ASAH2: variants seen among roughly 807,000 people sequenced by gnomAD.
ASAH2 encodes N-acylsphingosine amidohydrolase 2.
ASAH2 carries 58 observed loss-of-function variants against 82.9 expected under a neutral mutation model. The observed-to-expected ratio is 0.70, with a 90% CI of 0.57 to 0.87. ASAH2 has a LOEUF of 0.87. Among genes scored for constraint, ASAH2 ranks in the 40% least tolerant of loss-of-function variants. The pLI is 0.00. For missense variants in ASAH2, 779 were observed against 834.0 expected, an observed-to-expected ratio of 0.93 and a Z score of 0.81; for synonymous variants, 276 against 289.7, an observed-to-expected ratio of 0.95 and a Z score of 0.48.
intron 9 of ASAH2, among the ~76,000 whole-genome samples, chr10:50,214,367 A>T (rs985091718): frequency 6.0e-4 from 92 of 152,324 alleles, no homozygotes; most frequent in African/African-American, 2.2e-3. Context: ...GTCTTATATT[A>T]AAAACCCTAT....
chr10:50,220,526 A>C (rs1484659723), intron 7 of ASAH2, among the ~76,000 whole-genome samples: 1 of 152,056 alleles, frequency 6.6e-6, no homozygotes, highest in Non-Finnish European at 1.5e-5. Flanking sequence ...GCAAACAAAC[A>C]CAGGAACAGA....
chr10:50,218,300 A>G (rs1845661242), intron 8 of ASAH2, among the ~76,000 whole-genome samples: 5 of 152,212 alleles, frequency 3.3e-5, no homozygotes, highest in Admixed American at 3.3e-4. Flanking sequence ...TATAAGGACT[A>G]TGTAACACAA....
chr10:50,200,728 C>T (rs1267616943), intron 16 of ASAH2, among the ~76,000 whole-genome samples: 1 of 152,022 alleles, frequency 6.6e-6, no homozygotes, highest in Non-Finnish European at 1.5e-5. Context: ...GTGGCTAGCA[C>T]AGTATCTGTC....
At chr10:50,203,409 A>T (rs1277196736) in intron 15 of ASAH2, among the ~76,000 whole-genome samples, 2 of 152,048 alleles carry the variant, frequency 1.3e-5, no homozygotes, top group Non-Finnish European at 2.9e-5. Flanking sequence ...GTATACAAAC[A>T]TTATCAAATT....
At chr10:50,212,887 G>T in intron 10 of ASAH2, 85 bp downstream of exon 10, 2 of 1,312,094 alleles carry the variant, frequency 1.5e-6, no homozygotes, top group Non-Finnish European at 2.2e-6. Flanking sequence ...TTTTCTTTAA[G>T]TATTCAACTT....
chr10:50,201,298 C>G (rs1416527703), intron 16 of ASAH2, among the ~76,000 whole-genome samples: 1 of 152,072 alleles, frequency 6.6e-6, no homozygotes, highest in Non-Finnish European at 1.5e-5. Flanking sequence ...ACCAAGAGGG[C>G]ACTGAGCTGT....
intron 18 of ASAH2, among the ~76,000 whole-genome samples, chr10:50,194,311 C>A (rs2133193727): frequency 6.6e-6 from 1 of 151,566 alleles, no homozygotes; most frequent in East Asian, 1.9e-4. Context: ...TACACCATGA[C>A]TAAATGATAC....
At chr10:50,251,338 A>G (rs572950596) in intron 1 of ASAH2, among the ~76,000 whole-genome samples, 57 bp downstream of exon 1, 1 of 152,340 alleles carries the variant, frequency 6.6e-6, no homozygotes, top group South Asian at 2.1e-4. Context: ...CTGAGACAAT[A>G]GGATAATTCA....
rs991571629 is a variant in ASAH2, at chr10:50,231,577, A to G, written c.893+1607T>C. ...CAGCTTGTGAGACCCTTAAAGATAG[A>G]AAACTTGCCTTATTCATCATAACAT... On this transcript the variant is annotated intron_variant, in intron 7 of 20. Transcript: ENST00000682911. 2.0e-5 allele frequency among the ~76,000 whole-genome samples: 3 copies of G among 152,252 alleles called. No homozygotes were observed. In the South Asian group the frequency reaches 6.2e-4, roughly 32 times the overall value.
chr10:50,206,578 A>ACACACAC (rs1845304785), intron 12 of ASAH2, among the ~76,000 whole-genome samples: 13 of 150,556 alleles, frequency 8.6e-5, no homozygotes, highest in South Asian at 2.1e-4. Flanking sequence ...ACACACACAC[A>ACACACAC]AAGCAGTAAA....
chr10:50,208,289 G>A (rs1845358251), intron 12 of ASAH2, among the ~76,000 whole-genome samples: 1 of 151,926 alleles, frequency 6.6e-6, no homozygotes, highest in Non-Finnish European at 1.5e-5. Flanking sequence ...ACATTGTTCT[G>A]AAGGTTCTAG....
rs575885626 is a variant in ASAH2 at position 50,244,848 on chromosome 10, T to C, written c.360+374A>G. On this transcript the variant is annotated intron_variant, in intron 3 of 20. Transcript: ENST00000682911. ...ATGTACTTTATTTGTGCTTTTTTTT[T>C]CCTCAAAGTTCCCACCATTTCCTAC... Among the ~76,000 whole-genome samples the C allele has an allele frequency of 1.2e-3, 177 of 152,134 alleles. 1 individual carries two copies. The highest frequency in any genetic ancestry group is 3.4e-3 in the Middle Eastern group (1 of 294).
intron 7 of ASAH2, among the ~76,000 whole-genome samples, chr10:50,219,046 C>T (rs1356119107): frequency 6.6e-6 from 1 of 152,154 alleles, no homozygotes; most frequent in Non-Finnish European, 1.5e-5. Context: ...GGTTTACTTT[C>T]AGAATCTCAC....
intron 12 of ASAH2, among the ~76,000 whole-genome samples, chr10:50,208,048 A>AT (rs1266350132): frequency 6.6e-6 from 1 of 151,946 alleles, no homozygotes; most frequent in Non-Finnish European, 1.5e-5. Flanking sequence ...TATTAATATA[A>AT]TTTTTTAATT....
At chr10:50,211,747 G>A (rs912551253) in intron 10 of ASAH2, among the ~76,000 whole-genome samples, 36 of 152,244 alleles carry the variant, frequency 2.4e-4, no homozygotes, top group Non-Finnish European at 4.6e-4. Context: ...TATAACATAG[G>A]CAAATCCTGT....
At chr10:50,202,719 A>C (rs1845185331) in intron 16 of ASAH2, 110 bp downstream of exon 16, 4 of 811,864 alleles carry the variant, frequency 4.9e-6, no homozygotes, top group Non-Finnish European at 8.7e-6. Flanking sequence ...CTGAAACATA[A>C]TCATCTCTCA....
At chr10:50,211,964 C>T (rs1845464258) in intron 10 of ASAH2, among the ~76,000 whole-genome samples, 1 of 152,120 alleles carries the variant, frequency 6.6e-6, no homozygotes, top group African/African-American at 2.4e-5. Context: ...AGAATGGGAA[C>T]AAAATTTCTG....
rs769192204 is a variant in ASAH2 at position 50,245,350 on chromosome 10, T to TCTGGGTGGCTGTGGAATG, written c.214_231dup (p.His72_Gln77dup). ...GGAGAAGTTTGAGTGGCTGTGGAGCTCTGGGTGGCTGTGGAATGCTGGGTG... is the reference window on the plus strand; with the variant it reads ...GGAGAAGTTTGAGTGGCTGTGGAGCTCTGGGTGGCTGTGGAATGCTGGGTGGCTGTGGAATGCTGGGTG... On this transcript the variant is annotated inframe_insertion, in exon 3 of 21. Transcript: ENST00000682911. 108 of 1,613,786 alleles carry TCTGGGTGGCTGTGGAATG rather than the reference T, an allele frequency of 6.7e-5. No homozygotes were observed. In the African/African-American group the frequency reaches 1.3e-3, roughly 19 times the overall value.
rs1176255857 is a variant in ASAH2, at chr10:50,235,970, T to C, written c.605A>G (p.Tyr202Cys). Residue 202 changes from tyrosine (Y) to cysteine (C), a missense_variant, in exon 5 of 21, where the codon TAT becomes TGT. By Grantham distance (194) the Tyr-to-Cys change is radical. This residue lies in a region of ASAH2 where 759 missense variants were observed against 755.2 expected (regional missense o/e 1.00). Transcript: ENST00000682911. ...GTHTHSGPAG[Y>C]FQYTVFVIAS... Reference sequence around the variant, plus strand: ...AATTACAAACACGGTATACTGGAAATATCCTGCAGGACCTGAATGAGTGTG... The same window carrying C: ...AATTACAAACACGGTATACTGGAAACATCCTGCAGGACCTGAATGAGTGTG... 1.6e-5 allele frequency: 26 copies of C among 1,613,322 alleles called. No individual in the cohort carries two copies. The highest frequency in any genetic ancestry group is 2.0e-5 in the Non-Finnish European group (24 of 1,179,484).
Sources: allele counts gnomAD v4.1 joint callset (sites outside exome capture counted in the v4.1 genomes callset), GRCh38; gene constraint gnomAD v4.1.1; regional missense constraint gnomAD v4.1.1; transcripts MANE v1.5; gene names NCBI Gene and HGNC (gene_info 2026-07-23, HGNC 2026-07-21).